The following SUCLG2 variants were observed in gnomAD, a reference collection of about 807,000 sequenced individuals.
SUCLG2 encodes succinate-CoA ligase GDP-forming subunit beta.
SUCLG2 carries 42 observed loss-of-function variants against 47.9 expected under a neutral mutation model. The observed-to-expected ratio is 0.88, with a 90% confidence interval of 0.69 to 1.14. The LOEUF (loss-of-function observed/expected upper bound fraction) is 1.14, where lower values mean the gene tolerates loss of function less well. Ranked by LOEUF, SUCLG2 falls within the 50% of genes most tolerant of loss-of-function variation. The pLI, the probability that SUCLG2 is intolerant of heterozygous loss-of-function variation, is 0.00. For missense variants in SUCLG2, 571 were observed against 525.9 expected, an observed-to-expected ratio of 1.09 and a Z score of -0.84; for synonymous variants, 195 against 197.3, an observed-to-expected ratio of 0.99 and a Z score of 0.10.
At chr3:67,444,368 C>T (rs1202208717) in intron 9 of SUCLG2, among the ~76,000 whole-genome samples, 4 of 60,478 alleles carry the variant, frequency 6.6e-5, no homozygotes, top group South Asian at 1.9e-3. Flanking sequence ...CCAGCCGCCC[C>T]GTCCGGGAGG....
chr3:67,653,527 T>G (rs1701324647), intron 1 of SUCLG2, among the ~76,000 whole-genome samples: 1 of 152,198 alleles, frequency 6.6e-6, no homozygotes, highest in Non-Finnish European at 1.5e-5. Context: ...TTTTTTAAAT[T>G]TTCTAAAAAA....
Position 67,395,687 on chromosome 3 carries a change from G to A in SUCLG2, c.1183+5044C>T, listed in dbSNP as rs572008030. ...CAAGTGGACCTAATAGACATCTACAGAACTCTCCACCCCAAATCAACAGAA... is the reference window on the plus strand; with the variant it reads ...CAAGTGGACCTAATAGACATCTACAAAACTCTCCACCCCAAATCAACAGAA... On this transcript the variant is annotated intron_variant, in intron 10 of 10. Transcript: ENST00000307227. 2.3e-4 allele frequency among the ~76,000 whole-genome samples: 35 copies of A among 152,266 alleles called. 1 individual carries two copies. In the South Asian group the frequency reaches 6.0e-3, roughly 26 times the overall value.
chr3:67,585,429 A>G (rs1310119323), intron 2 of SUCLG2, among the ~76,000 whole-genome samples: 1 of 152,222 alleles, frequency 6.6e-6, no homozygotes, highest in South Asian at 2.1e-4. Context: ...CCAATGGGAT[A>G]AGGGAACATA....
At chr3:67,601,609 G>A (rs1473031679) in intron 2 of SUCLG2, among the ~76,000 whole-genome samples, 12 of 152,034 alleles carry the variant, frequency 7.9e-5, no homozygotes, top group African/African-American at 2.2e-4. Flanking sequence ...AATATTTCAC[G>A]GGAAAGTCCT....
At position 67,598,723 on chromosome 3, in the gene SUCLG2, C is replaced by A. The variant is rs375764212; in HGVS notation, c.226+10732G>T. Among the ~76,000 whole-genome samples, 42 of 152,272 alleles carry A rather than the reference C, an allele frequency of 2.8e-4. No homozygotes were observed. In the South Asian group the frequency reaches 7.9e-3, roughly 29 times the overall value. On this transcript the variant is annotated intron_variant, in intron 2 of 10. Transcript: ENST00000307227. The stretch of plus-strand genomic sequence containing the variant: ...CTGTGATGTGGAACACACTATTTAC[C>A]GTAACAGCAAAAAGCACATCATCTA...
At chr3:67,448,125 A>G (rs1410759828) in intron 9 of SUCLG2, among the ~76,000 whole-genome samples, 1 of 152,246 alleles carries the variant, frequency 6.6e-6, no homozygotes, top group Non-Finnish European at 1.5e-5. Flanking sequence ...ACAAAAGTTC[A>G]TAAGGATATA....
At chr3:67,388,295 C>A (rs948094713) in intron 10 of SUCLG2, among the ~76,000 whole-genome samples, 2 of 152,144 alleles carry the variant, frequency 1.3e-5, no homozygotes, top group African/African-American at 4.8e-5. Context: ...AATCTGGGAT[C>A]TTTATCAAGA....
At chr3:67,586,960 ATCAC>A (rs1403736564) in intron 2 of SUCLG2, among the ~76,000 whole-genome samples, 3 of 152,160 alleles carry the variant, frequency 2.0e-5, no homozygotes, top group South Asian at 2.1e-4. Context: ...CATCATCATC[ATCAC>A]TATCAGACAG....
At chr3:67,410,942 G>A (rs1297799184) in intron 9 of SUCLG2, among the ~76,000 whole-genome samples, 3 of 152,058 alleles carry the variant, frequency 2.0e-5, no homozygotes. Context: ...ATATTTATTG[G>A]CACATTCTTT....
chr3:67,624,996 C>T (rs192670198), intron 1 of SUCLG2, among the ~76,000 whole-genome samples: 27 of 152,290 alleles, frequency 1.8e-4, no homozygotes, highest in African/African-American at 6.3e-4. Context: ...GAAACAATAT[C>T]CTAAACATAC....
At chr3:67,564,186 G>A (rs1175815507) in intron 2 of SUCLG2, among the ~76,000 whole-genome samples, 1 of 152,130 alleles carries the variant, frequency 6.6e-6, no homozygotes, top group African/African-American at 2.4e-5. Flanking sequence ...TAAACAGAGC[G>A]GCTGCCAGCA....
At chr3:67,594,444 C>A (rs1374314368) in intron 2 of SUCLG2, among the ~76,000 whole-genome samples, 1 of 152,170 alleles carries the variant, frequency 6.6e-6, no homozygotes, top group Non-Finnish European at 1.5e-5. Context: ...CCTCTCCTGT[C>A]ACCTGTGCTT....
intron 9 of SUCLG2, chr3:67,409,131 A>G: frequency 7.6e-7 from 1 of 1,322,002 alleles, no homozygotes; most frequent in Non-Finnish European, 1.0e-6. Flanking sequence ...GTTTACTGAT[A>G]AAAGAGTTGT....
intron 4 of SUCLG2, 139 bp downstream of exon 4, chr3:67,527,993 G>T: frequency 1.5e-6 from 1 of 685,428 alleles, no homozygotes; most frequent in South Asian, 1.9e-5. Context: ...TTACTAAACA[G>T]ATTAGATGAG....
chr3:67,452,708 A>G (rs543751622), intron 9 of SUCLG2, among the ~76,000 whole-genome samples: 7 of 152,302 alleles, frequency 4.6e-5, no homozygotes, highest in Non-Finnish European at 8.8e-5. Context: ...GTAGATTACT[A>G]AATCCAACCC....
At chr3:67,506,208 T>C (rs1705633507) in intron 7 of SUCLG2, among the ~76,000 whole-genome samples, 1 of 152,204 alleles carries the variant, frequency 6.6e-6, no homozygotes, top group Admixed American at 6.5e-5. Context: ...TTACAGCTTC[T>C]AAATAAAAGA....
chr3:67,371,598 CA>C (rs1373491259), downstream of SUCLG2, among the ~76,000 whole-genome samples: 1 of 152,202 alleles, frequency 6.6e-6, no homozygotes, highest in Non-Finnish European at 1.5e-5. Context: ...CATTGTAGTC[CA>C]TATGACCTGC....
chr3:67,642,760 T>A (rs565687001), intron 1 of SUCLG2, among the ~76,000 whole-genome samples: 5 of 152,184 alleles, frequency 3.3e-5, no homozygotes, highest in Non-Finnish European at 5.9e-5. Flanking sequence ...TTGATAAACA[T>A]CAGGTGTCTA....
Position 67,553,457 on chromosome 3 carries a change from G to C in SUCLG2, c.227-24271C>G, listed in dbSNP as rs142903654. On this transcript the variant is annotated intron_variant, in intron 2 of 10. Coordinates refer to ENST00000307227, the MANE Select transcript of SUCLG2 (RefSeq NM_003848.4). ...TCTACTTATAAGCTGAAAATTATAA[G>C]TTTAAAATGTAATTCACTTTCAAGG... Among the ~76,000 whole-genome samples, 26 of 152,280 alleles carry C rather than the reference G, an allele frequency of 1.7e-4. No individual in the cohort carries two copies. The East Asian group carries it at 4.8e-3, about 28-fold the overall frequency.
Sources: gnomAD v4.1 joint callset for allele counts (sites outside exome capture counted in the v4.1 genomes callset) on GRCh38, gnomAD v4.1.1 for gene constraint, MANE v1.5 for transcripts, NCBI Gene and HGNC (gene_info 2026-07-23, HGNC 2026-07-21) for gene names.